The following ERBB4 variants were observed in gnomAD, a reference collection of about 807,000 sequenced individuals.
The protein encoded by ERBB4 is receptor tyrosine-protein kinase erbB-4.
In ERBB4, 42 loss-of-function variants were observed where a neutral mutation model predicts 158.0. The ratio of observed to expected loss-of-function variants is 0.27; its 90% CI spans 0.21 to 0.34. The LOEUF (loss-of-function observed/expected upper bound fraction) is 0.34. Ranked by LOEUF, ERBB4 falls within the 10% of genes least tolerant of loss-of-function variation. The pLI is 1.00. For synonymous variants in ERBB4, 583 were observed against 558.7 expected (o/e 1.04, Z -0.61); for missense variants, 1,333 against 1,624.1 (o/e 0.82, Z 3.08).
intron 2 of ERBB4, among the ~76,000 whole-genome samples, chr2:212,043,422 T>C (rs1048434261): frequency 1.3e-5 from 2 of 152,130 alleles, no homozygotes; most frequent in African/African-American, 4.8e-5. Flanking sequence ...AATCTCTCTG[T>C]AGAGCAAAGA....
chr2:212,461,267 C>A (rs984513577), intron 1 of ERBB4, among the ~76,000 whole-genome samples: 23 of 152,170 alleles, frequency 1.5e-4, no homozygotes, highest in African/African-American at 5.3e-4. Context: ...ACACTCAAAG[C>A]CAGCCTGTGA....
chr2:211,457,657 A>C (rs2064416943), intron 20 of ERBB4, among the ~76,000 whole-genome samples: 1 of 152,202 alleles, frequency 6.6e-6, no homozygotes, highest in Non-Finnish European at 1.5e-5. Flanking sequence ...CTCTTACATC[A>C]TGCATGCCTA....
chr2:212,418,352 C>A (rs1323445390), intron 1 of ERBB4, among the ~76,000 whole-genome samples: 5 of 151,708 alleles, frequency 3.3e-5, no homozygotes, highest in African/African-American at 1.2e-4. Context: ...CTAGTGTTTT[C>A]CATATTCAGC....
chr2:211,900,178 G>A (rs1001943048), intron 3 of ERBB4, among the ~76,000 whole-genome samples: 3 of 151,900 alleles, frequency 2.0e-5, no homozygotes, highest in South Asian at 2.1e-4. Flanking sequence ...TCCTAAATAC[G>A]AGGCTCATTT....
At chr2:212,240,742 A>G (rs1262602810) in intron 1 of ERBB4, among the ~76,000 whole-genome samples, 2 of 150,814 alleles carry the variant, frequency 1.3e-5, no homozygotes, top group Non-Finnish European at 2.9e-5. Flanking sequence ...GTTTATTGCC[A>G]TTAGATCATA....
intron 2 of ERBB4, among the ~76,000 whole-genome samples, chr2:212,006,202 T>C (rs2125294877): frequency 6.6e-6 from 1 of 152,302 alleles, no homozygotes; most frequent in Middle Eastern, 3.4e-3. Context: ...AGAATCTTTC[T>C]AATTATTCTT....
chr2:211,945,575 T>C (rs1424803214), intron 3 of ERBB4, among the ~76,000 whole-genome samples: 1 of 152,118 alleles, frequency 6.6e-6, no homozygotes, highest in Non-Finnish European at 1.5e-5. Context: ...TCACAGCTTC[T>C]AGGCAAAGTG....
chr2:212,096,827 C>A (rs943122294), intron 2 of ERBB4, among the ~76,000 whole-genome samples: 1 of 152,104 alleles, frequency 6.6e-6, no homozygotes, highest in African/African-American at 2.4e-5. Context: ...TTGTAGGATT[C>A]TATTCAGCTG....
At chr2:211,824,818 A>C (rs1446566904) in intron 3 of ERBB4, among the ~76,000 whole-genome samples, 1 of 151,698 alleles carries the variant, frequency 6.6e-6, no homozygotes, top group Non-Finnish European at 1.5e-5. Context: ...TGAAAAAAAT[A>C]TGTTTGTTTT....
intron 7 of ERBB4, 140 bp from the exon 8 acceptor site, chr2:211,713,788 G>T (rs1053369060): frequency 9.4e-6 from 6 of 640,462 alleles, no homozygotes; most frequent in Admixed American, 2.6e-5. Context: ...ACAACTCTTT[G>T]TTTAAATATC....
At chr2:211,587,343 A>C (rs2068314776) in intron 19 of ERBB4, among the ~76,000 whole-genome samples, 1 of 152,204 alleles carries the variant, frequency 6.6e-6, no homozygotes, top group African/African-American at 2.4e-5. Flanking sequence ...CAACAGAGCG[A>C]GACTGTGTCT....
chr2:212,464,284 AT>A (rs748524749), intron 1 of ERBB4, among the ~76,000 whole-genome samples: 7 of 152,142 alleles, frequency 4.6e-5, no homozygotes, highest in Non-Finnish European at 8.8e-5. Flanking sequence ...TATTGGTATA[AT>A]TCCATATATA....
intron 3 of ERBB4, among the ~76,000 whole-genome samples, chr2:211,866,391 C>T (rs560298486): frequency 6.6e-6 from 1 of 151,684 alleles, no homozygotes; most frequent in Non-Finnish European, 1.5e-5. Context: ...GTTATTCCTG[C>T]CTAAGAATAC....
chr2:212,003,015 C>T (rs1465626101), intron 2 of ERBB4, among the ~76,000 whole-genome samples: 2 of 149,918 alleles, frequency 1.3e-5, no homozygotes, highest in Non-Finnish European at 3.0e-5. Context: ...GATTGTGCCA[C>T]TGCACTCCAG....
intron 1 of ERBB4, among the ~76,000 whole-genome samples, chr2:212,415,774 A>C (rs76709716): frequency 0.023 from 3,543 of 152,222 alleles, 134 homozygotes; most frequent in African/African-American, 0.08. Context: ...TTCTAATGCT[A>C]TTTATAATTC....
intron 1 of ERBB4, among the ~76,000 whole-genome samples, chr2:212,525,309 T>C (rs1399988486): frequency 3.3e-5 from 5 of 151,992 alleles, no homozygotes; most frequent in Admixed American, 3.3e-4. Context: ...GTTTAAAGCA[T>C]ACATGTGCTA....
chr2:212,070,160 C>G (rs529903287), intron 2 of ERBB4, among the ~76,000 whole-genome samples: 2 of 151,782 alleles, frequency 1.3e-5, no homozygotes, highest in South Asian at 4.2e-4. Flanking sequence ...AAGTACAAGA[C>G]TTCTGCATTA....
intron 4 of ERBB4, among the ~76,000 whole-genome samples, chr2:211,784,022 T>C (rs370515222): frequency 2.6e-5 from 4 of 152,358 alleles, no homozygotes; most frequent in African/African-American, 9.6e-5. Context: ...TGGTAGGCTA[T>C]TAATTATTGC....
intron 16 of ERBB4, among the ~76,000 whole-genome samples, chr2:211,654,288 A>G (rs1264124429): frequency 6.6e-6 from 1 of 152,176 alleles, no homozygotes. Context: ...TCTCATAAAC[A>G]TCCCCTCACA....
Sources: gnomAD v4.1 joint callset for allele counts (sites outside exome capture counted in the v4.1 genomes callset) on GRCh38, gnomAD v4.1.1 for gene constraint, MANE v1.5 for transcripts, NCBI Gene and HGNC (gene_info 2026-07-23, HGNC 2026-07-21) for gene names.